MAP3K14: variants seen among roughly 807,000 people sequenced by gnomAD.
The protein encoded by MAP3K14 is mitogen-activated protein kinase kinase kinase 14, also known as NF-kappa-beta-inducing kinase.
A neutral mutation model predicts 99.2 loss-of-function variants in MAP3K14; 16 were observed. The ratio of observed to expected loss-of-function variants is 0.16; its 90% CI spans 0.11 to 0.24. The LOEUF (loss-of-function observed/expected upper bound fraction) is 0.24, where lower values mean the gene tolerates loss of function less well. Ranked by LOEUF, MAP3K14 falls within the 10% of genes least tolerant of loss-of-function variation. The pLI is 1.00. For synonymous variants in MAP3K14, 462 were observed against 492.4 expected (o/e 0.94, Z 0.82); for missense variants, 784 against 1,208.7 (o/e 0.65, Z 5.21).
chr17:45,313,532 C>A (rs1309884938), intron 1 of MAP3K14, among the ~76,000 whole-genome samples: 1 of 152,170 alleles, frequency 6.6e-6, no homozygotes, highest in African/African-American at 2.4e-5. Flanking sequence ...AGACCTCGAC[C>A]TGACCCAGGT....
chr17:45,298,195 G>A (rs1050905218), intron 1 of MAP3K14, among the ~76,000 whole-genome samples: 4 of 152,100 alleles, frequency 2.6e-5, no homozygotes, highest in East Asian at 1.9e-4. Flanking sequence ...TGATTTAAGA[G>A]TAATGACTAA....
In MAP3K14 at chr17:45,274,196, C is replaced by G; in HGVS notation, c.1479G>C (p.Leu493=). The change falls in exon 8 of 16, where the codon CTG becomes CTC. Residue 493 remains leucine, a synonymous_variant. Transcript: ENST00000344686. ...CCTCCAGGGCCTGGCCCAGGTAGTA[C>G]AGGGCCCGGTCCTCTGGGAGACAGC... is the stretch of plus-strand genomic sequence containing the variant. ...EQGCLPEDRA[L]YYLGQALEGL... 6.3e-7 allele frequency: 1 copy of G among 1,599,230 alleles called. No homozygotes were observed. Among genetic ancestry groups the G allele is most frequent in the Non-Finnish European group, 8.5e-7 (1 of 1,172,792 alleles).
chr17:45,285,356 T>G (rs1000541007), intron 5 of MAP3K14, among the ~76,000 whole-genome samples: 8 of 152,142 alleles, frequency 5.3e-5, no homozygotes, highest in Admixed American at 4.6e-4. Flanking sequence ...CCAGGCATGG[T>G]GGCTCACGCC....
At chr17:45,282,553 T>C (rs1598252666) in intron 6 of MAP3K14, among the ~76,000 whole-genome samples, 1 of 35,988 alleles carries the variant, frequency 2.8e-5, no homozygotes. Flanking sequence ...AGATCCTGTC[T>C]CAAAAAAAAA....
At chr17:45,265,442 A>AT (rs1404486599) in intron 14 of MAP3K14, among the ~76,000 whole-genome samples, 179 bp from the exon 15 acceptor site, 4 of 152,100 alleles carry the variant, frequency 2.6e-5, no homozygotes, top group African/African-American at 7.2e-5. Context: ...GCACAGCTGC[A>AT]TTTTTTTGTT....
At position 45,286,793 on chromosome 17, in the gene MAP3K14, G is replaced by A. The variant is rs1231592215; in HGVS notation, c.790C>T (p.Pro264Ser). ...AGAGGGTGGAATGGGAAGGGATGAG[G>A]CAGTCTGCTATAGGGGAAGGGGTGC... ...PTHPFPYSRLPHPFPFHPLQP... is the reference protein window; with the variant it reads ...PTHPFPYSRLSHPFPFHPLQP... The change falls in exon 5 of 16, where the codon CCT becomes TCT. Residue 264 changes from proline to serine, a missense_variant. This residue lies in a region of MAP3K14 where 138 missense variants were observed against 164.1 expected (regional missense o/e 0.84). Coordinates refer to ENST00000344686, the MANE Select transcript of MAP3K14 (RefSeq NM_003954.5). The surrounding 1 kb of genome is among the most constrained non-coding windows in gnomAD (Gnocchi z 4.1). 2 of 1,613,076 alleles carry A rather than the reference G, an allele frequency of 1.2e-6. No homozygotes were observed. The highest frequency in any genetic ancestry group is 1.3e-5 in the African/African-American group (1 of 74,920).
intron 6 of MAP3K14, among the ~76,000 whole-genome samples, chr17:45,276,500 C>G (rs2044180932): frequency 6.6e-6 from 1 of 150,584 alleles, no homozygotes; most frequent in Non-Finnish European, 1.5e-5. Context: ...GAAGCTGATA[C>G]TTAGACTGAC....
At chr17:45,276,319 A>G (rs541368420) in intron 6 of MAP3K14, among the ~76,000 whole-genome samples, 31 of 152,258 alleles carry the variant, frequency 2.0e-4, no homozygotes, top group African/African-American at 7.2e-4. Context: ...CGCCTTTTAA[A>G]ACAAGGCAGC....
chr17:45,284,476 G>A (rs60521014), intron 6 of MAP3K14, among the ~76,000 whole-genome samples: 90 of 152,310 alleles, frequency 5.9e-4, no homozygotes, highest in African/African-American at 2.1e-3. Context: ...TGTGGTTCAG[G>A]GGTTTTACCT....
In MAP3K14 at chr17:45,272,049, C is replaced by CAGTG. The variant is rs1275501193; in HGVS notation, c.1658-832_1658-829dup. On this transcript the variant is annotated intron_variant, in intron 9 of 15. Transcript: ENST00000344686. This position sits in a 1 kb window ranked among gnomAD's most constrained non-coding sequence, Gnocchi z 4.1. ...ACAGATATTAGAAAAAAGGGTCAGG[C>CAGTG]AGTGGCTCATGCCTGTAATCCCAGC... Among the ~76,000 whole-genome samples the CAGTG allele has an allele frequency of 1.3e-5, 2 of 152,146 alleles. No individual in the cohort carries two copies. The highest frequency in any genetic ancestry group is 2.9e-5 in the Non-Finnish European group (2 of 68,020).
chr17:45,293,112 G>A (rs530363124), intron 1 of MAP3K14, among the ~76,000 whole-genome samples: 6 of 152,358 alleles, frequency 3.9e-5, no homozygotes, highest in Admixed American at 3.9e-4. Context: ...GACGCTGGCT[G>A]AACGAGGGAC....
chr17:45,292,521 A>G (rs985747313), intron 1 of MAP3K14, among the ~76,000 whole-genome samples: 1 of 152,102 alleles, frequency 6.6e-6, no homozygotes, highest in Non-Finnish European at 1.5e-5. Flanking sequence ...AGATTGCACC[A>G]TTGCATTCTC....
intron 7 of MAP3K14, 59 bp from the exon 8 acceptor site, chr17:45,274,313 G>A: frequency 6.3e-7 from 1 of 1,578,592 alleles, no homozygotes; most frequent in Non-Finnish European, 8.6e-7. Flanking sequence ...TGCCAGCCAA[G>A]GGCAAGAGCA....
At chr17:45,306,563 G>A (rs891859872) in intron 1 of MAP3K14, among the ~76,000 whole-genome samples, 4 of 152,176 alleles carry the variant, frequency 2.6e-5, no homozygotes, top group African/African-American at 9.7e-5. Context: ...CCCATTCCAA[G>A]GAGAAATTCT....
chr17:45,270,795 G>C, intron 10 of MAP3K14: 1 of 751,912 alleles, frequency 1.3e-6, no homozygotes, highest in Non-Finnish European at 2.1e-6. Flanking sequence ...CTCCAGGCCC[G>C]GCCCGTTAGG....
chr17:45,306,962 T>C (rs1383420143), intron 1 of MAP3K14, among the ~76,000 whole-genome samples: 1 of 152,180 alleles, frequency 6.6e-6, no homozygotes, highest in Non-Finnish European at 1.5e-5. Context: ...GTATATTGTA[T>C]AAAAAATTTT....
At chr17:45,269,307 C>T (rs1020281468) in intron 11 of MAP3K14, among the ~76,000 whole-genome samples, 1 of 152,134 alleles carries the variant, frequency 6.6e-6, no homozygotes, top group African/African-American at 2.4e-5. Context: ...CCACTGCTCC[C>T]GGCCTGTCTT....
At chr17:45,280,452 C>A (rs369588687) in intron 6 of MAP3K14, among the ~76,000 whole-genome samples, 1 of 151,786 alleles carries the variant, frequency 6.6e-6, no homozygotes, top group Non-Finnish European at 1.5e-5. Context: ...TACAGGCATG[C>A]GCCACCACGC....
rs1406071327 is a variant in MAP3K14 at position 45,287,184 on chromosome 17, A to G, written c.507T>C (p.Pro169=). Residue 169 remains proline (P), a synonymous_variant, in exon 4 of 16, where the codon CCT becomes CCC. Transcript: ENST00000344686. The stretch of plus-strand genomic sequence containing the variant: ...CTGGGATGGTGCAGCTCTCCTGCTC[A>G]GGGGTCCTGGGGAGGGGTTTGGCCA... ...VALAKPLPRT[P]EQESCTIPVQ... The G allele has an allele frequency of 1.2e-6, 2 of 1,613,754 alleles. No homozygotes were observed. Among genetic ancestry groups the G allele is most frequent in the African/African-American group, 1.3e-5 (1 of 74,924 alleles).
Sources: gnomAD v4.1 joint callset for allele counts (sites outside exome capture counted in the v4.1 genomes callset) on GRCh38, gnomAD v4.1.1 for gene constraint, gnomAD v4.1.1 regional missense constraint, Gnocchi (gnomAD v3.1) non-coding constraint, MANE v1.5 for transcripts, NCBI Gene and HGNC (gene_info 2026-07-23, HGNC 2026-07-21) for gene names.